Variants in POLR1D observed in about 807,000 individuals in gnomAD.
POLR1D encodes the protein DNA-directed RNA polymerases I and III subunit RPAC2.
POLR1D carries 8 observed loss-of-function variants against 10.8 expected under a neutral mutation model. The observed-to-expected ratio is 0.74, with a 90% CI of 0.43 to 1.33. The LOEUF is 1.33. POLR1D is among the 40% of genes most tolerant of loss of function. The probability of loss-of-function intolerance (pLI) is 0.01; values close to 1 mark genes in which losing one functional copy is unlikely to be tolerated. For missense variants in POLR1D, 152 were observed against 161.7 expected (o/e 0.94, Z 0.32); for synonymous variants, 54 against 57.2 (o/e 0.94, Z 0.25).
At chr13:27,657,867 C>T (rs372882718) in intron 2 of POLR1D, among the ~76,000 whole-genome samples, 8 of 152,032 alleles carry the variant, frequency 5.3e-5, no homozygotes, top group African/African-American at 1.7e-4. Context: ...ACTGTTTTTT[C>T]CTAGCCAGAG....
In POLR1D at chr13:27,622,041, G is replaced by A. The variant is rs375054642; in HGVS notation, c.26+32G>A. The A allele has an allele frequency of 2.0e-5, 32 of 1,564,932 alleles. No individual in the cohort carries two copies. In the African/African-American group the frequency reaches 4.3e-4, roughly 21 times the overall value. On this transcript the variant is annotated intron_variant, in intron 1 of 1. Coordinates refer to ENST00000302979, the MANE Select transcript of POLR1D (RefSeq NM_015972.4). Reference sequence around the variant, plus strand: ...GCCGAGGAGGAGGCGGGCGGAGCGGGCCGCGCCCAAGGGGAGCGGGTGGCC... The same window carrying A: ...GCCGAGGAGGAGGCGGGCGGAGCGGACCGCGCCCAAGGGGAGCGGGTGGCC...
At chr13:27,638,058 C>A (rs964934466) in intron 1 of POLR1D, among the ~76,000 whole-genome samples, 1 of 152,192 alleles carries the variant, frequency 6.6e-6, no homozygotes, top group Non-Finnish European at 1.5e-5. Context: ...CCATATGCCT[C>A]AAAGCCATGT....
At chr13:27,645,080 G>A (rs1276674837) in intron 1 of POLR1D, among the ~76,000 whole-genome samples, 1 of 152,192 alleles carries the variant, frequency 6.6e-6, no homozygotes, top group Non-Finnish European at 1.5e-5. Context: ...TTCTTCTTTG[G>A]AAGTAAAGCT....
At chr13:27,634,769 G>T (rs1321115310) in intron 1 of POLR1D, among the ~76,000 whole-genome samples, 1 of 149,874 alleles carries the variant, frequency 6.7e-6, no homozygotes, top group Non-Finnish European at 1.5e-5. Flanking sequence ...TTGACCTCCT[G>T]GGCTCAAGCA....
chr13:27,654,320 G>T (rs144214650), intron 2 of POLR1D, among the ~76,000 whole-genome samples: 1 of 152,156 alleles, frequency 6.6e-6, no homozygotes, highest in East Asian at 1.9e-4. Context: ...ATCATCATTG[G>T]TCATCTGGAA....
intron 1 of POLR1D, among the ~76,000 whole-genome samples, chr13:27,641,137 AC>A (rs1282883260): frequency 2.0e-5 from 3 of 152,200 alleles, no homozygotes; most frequent in Non-Finnish European, 4.4e-5. Flanking sequence ...TCTTGTGCTT[AC>A]AAAAAAAGGG....
At chr13:27,621,298 C>G (rs1007072589), upstream of POLR1D, 2 of 152,302 alleles carry the variant, frequency 1.3e-5, no homozygotes, top group Non-Finnish European at 2.9e-5. Context: ...TCTCACTCCC[C>G]CAAAAGAGAC....
intron 1 of POLR1D, among the ~76,000 whole-genome samples, chr13:27,632,443 A>G (rs1205977022): frequency 6.6e-6 from 1 of 152,222 alleles, no homozygotes. Flanking sequence ...TGGAAAAATA[A>G]CAGAATGCAT....
In POLR1D at chr13:27,623,218, C is replaced by G; in HGVS notation, c.370C>G (p.Gln124Glu). ...GGCCAGCATAAAGGACTATAAGGAT[C>G]AAAAAGCAAGCAGAAATGAATCCAC... ...FEASIKDYKD[Q>E]KASRNESTF is the part of the protein sequence containing the mutation. Residue 124 changes from glutamine to glutamate, a missense_variant, in exon 2 of 2, where the codon CAA becomes GAA. By Grantham distance (29) the Gln-to-Glu change is conservative (BLOSUM62 2). Coordinates refer to ENST00000302979, the MANE Select transcript of POLR1D (RefSeq NM_015972.4). 1 of 1,613,964 alleles carries G rather than the reference C, an allele frequency of 6.2e-7. No homozygotes were observed. The highest frequency in any genetic ancestry group is 8.5e-7 in the Non-Finnish European group (1 of 1,180,010).
At chr13:27,650,289 A>G (rs1956254828) in intron 2 of POLR1D, 1 of 378,994 alleles carries the variant, frequency 2.6e-6, no homozygotes. Context: ...GTGTGATAAT[A>G]GGCATGGAAT....
At chr13:27,632,773 A>T (rs909847576) in intron 1 of POLR1D, among the ~76,000 whole-genome samples, 1 of 151,894 alleles carries the variant, frequency 6.6e-6, no homozygotes, top group African/African-American at 2.4e-5. Flanking sequence ...AAACACACAC[A>T]CTGTAACATA....
intron 1 of POLR1D, chr13:27,648,115 A>G (rs1450826158): frequency 3.2e-6 from 1 of 309,704 alleles, no homozygotes; most frequent in Non-Finnish European, 6.2e-6. Context: ...TAATTCTTAT[A>G]TTAAGGATAT....
At chr13:27,636,198 T>A (rs1415574672) in intron 1 of POLR1D, among the ~76,000 whole-genome samples, 1 of 152,134 alleles carries the variant, frequency 6.6e-6, no homozygotes, top group Non-Finnish European at 1.5e-5. Context: ...ATTATAATTA[T>A]AATCTGTCTC....
intron 1 of POLR1D, among the ~76,000 whole-genome samples, chr13:27,634,400 A>G (rs1593281881): frequency 6.6e-6 from 1 of 152,306 alleles, no homozygotes; most frequent in African/African-American, 2.4e-5. Flanking sequence ...GAGCAATGAA[A>G]GATCAGAACA....
At chr13:27,665,976 C>T (rs1463900886) in exon 3 of POLR1D, 1 of 1,611,548 alleles carries the variant, frequency 6.2e-7, no homozygotes. Flanking sequence ...GGCCAGCCAG[C>T]CCTGCGGGCC....
rs530291608 is a variant in POLR1D, at chr13:27,631,741, G to A, written c.26+9732G>A. Among the ~76,000 whole-genome samples the A allele has an allele frequency of 2.0e-5, 3 of 152,270 alleles. No homozygotes were observed. The South Asian group carries it at 6.2e-4, about 32-fold the overall frequency. ...CTGAACCCCAAGCACTTAAAACTGG[G>A]TCAGGCACACAGTAGGCTTTCATTA... On this transcript the variant is annotated intron_variant, in intron 1 of 2. Coordinates refer to the POLR1D transcript ENST00000399697.
At chr13:27,654,683 C>A (rs1191909808) in intron 2 of POLR1D, among the ~76,000 whole-genome samples, 2 of 152,164 alleles carry the variant, frequency 1.3e-5, no homozygotes, top group Admixed American at 6.5e-5. Flanking sequence ...CCCGTTTATA[C>A]ACATACATTA....
chr13:27,657,249 G>A (rs1956316638), intron 2 of POLR1D, among the ~76,000 whole-genome samples: 1 of 152,104 alleles, frequency 6.6e-6, no homozygotes, highest in African/African-American at 2.4e-5. Flanking sequence ...CAGATCTCCA[G>A]CCAGGCGCTG....
At chr13:27,625,510 A>G (rs1486574698), downstream of POLR1D, among the ~76,000 whole-genome samples, 1 of 152,192 alleles carries the variant, frequency 6.6e-6, no homozygotes, top group Non-Finnish European at 1.5e-5. Flanking sequence ...AAAATGGAAA[A>G]TAGATTGGGA....
Sources: gnomAD v4.1 joint callset for allele counts (sites outside exome capture counted in the v4.1 genomes callset) on GRCh38, gnomAD v4.1.1 for gene constraint, MANE v1.5 for transcripts, NCBI Gene and HGNC (gene_info 2026-07-23, HGNC 2026-07-21) for gene names.